TENM3: variants seen among roughly 807,000 people sequenced by gnomAD.
TENM3 encodes the protein teneurin transmembrane protein 3.
A neutral mutation model predicts 255.1 loss-of-function variants in TENM3; 63 were observed. The observed-to-expected ratio is 0.25, with a 90% CI of 0.20 to 0.30. The LOEUF (loss-of-function observed/expected upper bound fraction) is 0.30. TENM3 is among the 10% of genes least tolerant of loss of function. The probability of loss-of-function intolerance (pLI) is 1.00; values close to 1 mark genes in which losing one functional copy is unlikely to be tolerated. For missense variants in TENM3, 2,929 were observed against 3,461.1 expected (o/e 0.85, Z 3.86); for synonymous variants, 1,306 against 1,322.3 (o/e 0.99, Z 0.27).
chr4:182,027,852 T>C, the TENM3 span, among the ~76,000 whole-genome samples: 16 of 152,182 alleles, frequency 1.1e-4, no homozygotes, highest in African/African-American at 3.1e-4. Context: ...AAATTTATTG[T>C]TGAATTCAGT....
chr4:181,508,007 CTAAT>C, the TENM3 span, among the ~76,000 whole-genome samples: 1 of 152,196 alleles, frequency 6.6e-6, no homozygotes, highest in Non-Finnish European at 1.5e-5. Flanking sequence ...AGATGAAAGT[CTAAT>C]TATCTCCACA....
At chr4:182,049,471 C>T in the TENM3 span, among the ~76,000 whole-genome samples, 1 of 152,188 alleles carries the variant, frequency 6.6e-6, no homozygotes, top group Non-Finnish European at 1.5e-5. Flanking sequence ...GGTCAGCAAC[C>T]TAGTGTCACC....
chr4:182,038,215 G>A, the TENM3 span, among the ~76,000 whole-genome samples: 2 of 151,566 alleles, frequency 1.3e-5, no homozygotes, highest in East Asian at 1.9e-4. Flanking sequence ...ACATCCATTG[G>A]CAAAGATTCA....
At chr4:181,618,691 C>T in the TENM3 span, among the ~76,000 whole-genome samples, 23 of 152,096 alleles carry the variant, frequency 1.5e-4, no homozygotes, top group African/African-American at 2.2e-4. Flanking sequence ...TCATCTGGAG[C>T]GTGTAATAAA....
intron 6 of TENM3, among the ~76,000 whole-genome samples, chr4:182,670,342 C>T (rs1339460106): frequency 6.6e-6 from 1 of 152,048 alleles, no homozygotes; most frequent in Non-Finnish European, 1.5e-5. Context: ...GAAAAATAGA[C>T]CTGATAGCTA....
At chr4:181,464,845 G>A in the TENM3 span, among the ~76,000 whole-genome samples, 4 of 152,098 alleles carry the variant, frequency 2.6e-5, no homozygotes, top group African/African-American at 9.7e-5. Flanking sequence ...CAGCTACTTG[G>A]GAGGCTGAGG....
At chr4:181,597,775 A>G in the TENM3 span, among the ~76,000 whole-genome samples, 2 of 152,180 alleles carry the variant, frequency 1.3e-5, no homozygotes, top group African/African-American at 2.4e-5. Context: ...TCAGTTTTAA[A>G]TGTTTCCATC....
the TENM3 span, among the ~76,000 whole-genome samples, chr4:181,544,550 G>C: frequency 6.6e-6 from 1 of 151,876 alleles, no homozygotes; most frequent in Non-Finnish European, 1.5e-5. Context: ...CCCACTTCTG[G>C]GCTGCCCCCT....
chr4:181,800,430 A>C, the TENM3 span, among the ~76,000 whole-genome samples: 1 of 152,140 alleles, frequency 6.6e-6, no homozygotes, highest in Non-Finnish European at 1.5e-5. Flanking sequence ...CCAGGAGTTC[A>C]AGACCAGCCT....
At chr4:182,692,442 T>C (rs1489720139) in intron 12 of TENM3, among the ~76,000 whole-genome samples, 1 of 152,238 alleles carries the variant, frequency 6.6e-6, no homozygotes, top group Non-Finnish European at 1.5e-5. Context: ...CATTCATTTG[T>C]ATCCCAGAGA....
chr4:181,910,772 T>C, the TENM3 span, among the ~76,000 whole-genome samples: 1 of 151,720 alleles, frequency 6.6e-6, no homozygotes, highest in Non-Finnish European at 1.5e-5. Context: ...CCACTGTGCC[T>C]GGCCTCACTT....
In TENM3 at chr4:182,169,520, A is replaced by G. The variant is rs576492607; in HGVS notation, c.-76+24766A>G. ...TGAGGAGCTTTTTAGAGGAGAATTT[A>G]TCTTATATTTATTATCAGAAAGTGC... is the stretch of plus-strand genomic sequence containing the variant. On this transcript the variant is annotated intron_variant, in intron 1 of 2. Transcript: ENST00000512480. 1.9e-4 allele frequency: 53 copies of G among 282,128 alleles called. 2 individuals carry two copies. Among genetic ancestry groups the G allele is most frequent in the African/African-American group, 1.2e-3 (50 of 43,436 alleles). The allele number at this position is 282,128 out of a possible 1,614,324, so 17.5% of individuals were successfully genotyped here.
chr4:182,102,008 A>G, the TENM3 span, among the ~76,000 whole-genome samples: 2 of 152,168 alleles, frequency 1.3e-5, no homozygotes, highest in African/African-American at 4.8e-5. Context: ...GCTCTCAGAG[A>G]GCCGGGGCTG....
intron 1 of TENM3, among the ~76,000 whole-genome samples, chr4:182,179,469 T>C (rs1200571814): frequency 6.6e-6 from 1 of 152,258 alleles, no homozygotes; most frequent in Non-Finnish European, 1.5e-5. Flanking sequence ...ATTCAACTGC[T>C]ATATCCTTAA....
At chr4:182,516,344 C>G (rs1033114097) in intron 3 of TENM3, among the ~76,000 whole-genome samples, 9 of 152,176 alleles carry the variant, frequency 5.9e-5, no homozygotes, top group African/African-American at 2.2e-4. Flanking sequence ...AATGTATAAA[C>G]GTAAGTTGGT....
At chr4:182,075,558 C>T in the TENM3 span, among the ~76,000 whole-genome samples, 2 of 152,254 alleles carry the variant, frequency 1.3e-5, no homozygotes, top group South Asian at 4.1e-4. Flanking sequence ...TGTCTGTAGG[C>T]TAATTTGCTC....
chr4:181,601,076 T>C, the TENM3 span, among the ~76,000 whole-genome samples: 1 of 152,108 alleles, frequency 6.6e-6, no homozygotes, highest in African/African-American at 2.4e-5. Flanking sequence ...CTAAGAGCAA[T>C]ACTACCGGTG....
chr4:182,320,514 C>T (rs1231111673), intron 1 of TENM3, among the ~76,000 whole-genome samples: 1 of 152,186 alleles, frequency 6.6e-6, no homozygotes, highest in African/African-American at 2.4e-5. Flanking sequence ...AAATTTTCCT[C>T]TCCTGTCTCT....
chr4:182,271,409 C>A (rs1187050497), intron 1 of TENM3, among the ~76,000 whole-genome samples: 2 of 152,102 alleles, frequency 1.3e-5, no homozygotes, highest in Non-Finnish European at 2.9e-5. Context: ...TTGCAATCAT[C>A]GGTAAATAAG....
Sources: allele counts gnomAD v4.1 joint callset (sites outside exome capture counted in the v4.1 genomes callset), GRCh38; gene constraint gnomAD v4.1.1; transcripts MANE v1.5; gene names NCBI Gene and HGNC (gene_info 2026-07-23, HGNC 2026-07-21).